Variants in ARHGAP15 observed in about 807,000 individuals in gnomAD.
The protein encoded by ARHGAP15 is rho GTPase-activating protein 15.
A neutral mutation model predicts 63.7 loss-of-function variants in ARHGAP15; 51 were observed. That is an observed-to-expected ratio of 0.80 (90% CI 0.64 to 1.01). The LOEUF is 1.01. Ranked by LOEUF, ARHGAP15 falls within the 50% of genes least tolerant of loss-of-function variation. ARHGAP15 has a pLI of 0.00. For synonymous variants in ARHGAP15, 191 were observed against 193.8 expected (o/e 0.99, Z 0.12); for missense variants, 560 against 564.6 (o/e 0.99, Z 0.08).
chr2:143,626,202 G>A lies in ARHGAP15; in HGVS notation c.1138+1935G>A, dbSNP rs185413148. ...CAACACCTATAAAATGGGTTATGGC[G>A]AGAATGAATAAGAAAGTGCCTAAGA... is the stretch of plus-strand genomic sequence containing the variant. On this transcript the variant is annotated intron_variant, in intron 12 of 13. Coordinates refer to ENST00000295095, the MANE Select transcript of ARHGAP15 (RefSeq NM_018460.4). Among the ~76,000 whole-genome samples the A allele has an allele frequency of 1.1e-4, 16 of 152,306 alleles. No homozygotes were observed. In the East Asian group the frequency reaches 2.5e-3, roughly 24 times the overall value.
intron 12 of ARHGAP15, among the ~76,000 whole-genome samples, chr2:143,646,196 G>A (rs992084151): frequency 1.3e-5 from 2 of 152,062 alleles, no homozygotes; most frequent in African/African-American, 2.4e-5. Flanking sequence ...GAGAGCAGAA[G>A]GGTAAGAATG....
At chr2:143,205,412 A>T (rs1052082295) in intron 3 of ARHGAP15, among the ~76,000 whole-genome samples, 23 of 152,280 alleles carry the variant, frequency 1.5e-4, no homozygotes, top group Middle Eastern at 3.4e-3. Flanking sequence ...TTGTCACTCC[A>T]TTAGAATTTT....
At chr2:143,632,483 T>G (rs1295989795) in intron 12 of ARHGAP15, among the ~76,000 whole-genome samples, 1 of 152,086 alleles carries the variant, frequency 6.6e-6, no homozygotes, top group Non-Finnish European at 1.5e-5. Flanking sequence ...TGAAGAGTGT[T>G]TTTTTAAATG....
In ARHGAP15 at chr2:143,764,182, C is replaced by T. The variant is rs951193259; in HGVS notation, c.1245-3807C>T. Among the ~76,000 whole-genome samples, 6 of 152,164 alleles carry T rather than the reference C, an allele frequency of 3.9e-5. No homozygotes were observed. In the South Asian group the frequency reaches 1.2e-3, roughly 32 times the overall value. On this transcript the variant is annotated intron_variant, in intron 13 of 13. Coordinates refer to ENST00000295095, the MANE Select transcript of ARHGAP15 (RefSeq NM_018460.4). ...AATGAATATTTTATATTGACACATG[C>T]ATAAAAGCACAAAATGAACATTTTT...
At chr2:143,141,333 G>A (rs1689353773) in intron 1 of ARHGAP15, among the ~76,000 whole-genome samples, 1 of 152,098 alleles carries the variant, frequency 6.6e-6, no homozygotes, top group African/African-American at 2.4e-5. Context: ...GTTGGTATTA[G>A]GGCATTGAAT....
At chr2:143,515,252 T>G (rs1229844685) in intron 9 of ARHGAP15, among the ~76,000 whole-genome samples, 16 of 147,792 alleles carry the variant, frequency 1.1e-4, no homozygotes, top group Admixed American at 1.0e-3. Context: ...AGAGTATGAT[T>G]ATAATGATCA....
chr2:143,563,497 T>A (rs1007854848), intron 11 of ARHGAP15, among the ~76,000 whole-genome samples: 1 of 152,234 alleles, frequency 6.6e-6, no homozygotes, highest in South Asian at 2.1e-4. Context: ...ATGTTGTCAG[T>A]ATGGTTTGGG....
At chr2:143,337,693 A>C (rs1191319697) in intron 6 of ARHGAP15, among the ~76,000 whole-genome samples, 1 of 152,040 alleles carries the variant, frequency 6.6e-6, no homozygotes, top group Non-Finnish European at 1.5e-5. Context: ...TTTCAGAATA[A>C]CTCCAGGTCA....
At chr2:143,610,381 A>C (rs1698205017) in intron 11 of ARHGAP15, among the ~76,000 whole-genome samples, 1 of 152,218 alleles carries the variant, frequency 6.6e-6, no homozygotes, top group African/African-American at 2.4e-5. Context: ...TTCTTAAGTC[A>C]GTTTAAACTT....
chr2:143,333,444 C>T (rs771547866), intron 6 of ARHGAP15, among the ~76,000 whole-genome samples: 1 of 152,122 alleles, frequency 6.6e-6, no homozygotes, highest in Non-Finnish European at 1.5e-5. Context: ...GTTAAGGTTA[C>T]CACAATTCCA....
chr2:143,324,590 G>A (rs193252481), intron 6 of ARHGAP15, among the ~76,000 whole-genome samples: 15 of 152,248 alleles, frequency 9.9e-5, no homozygotes, highest in Admixed American at 4.6e-4. Context: ...GTACTTGAAC[G>A]TACAGGGTTA....
intron 6 of ARHGAP15, among the ~76,000 whole-genome samples, chr2:143,423,485 T>C (rs752325759): frequency 6.6e-6 from 1 of 152,080 alleles, no homozygotes; most frequent in Non-Finnish European, 1.5e-5. Flanking sequence ...TGCAGGGACA[T>C]GTGGTTTTGT....
At chr2:143,218,277 CTTTT>C (rs762494225) in intron 4 of ARHGAP15, among the ~76,000 whole-genome samples, 10 of 92,040 alleles carry the variant, frequency 1.1e-4, no homozygotes, top group African/African-American at 2.1e-4. Context: ...TTTAGTTTTC[CTTTT>C]TTTTTTTTTT....
intron 6 of ARHGAP15, among the ~76,000 whole-genome samples, chr2:143,253,907 A>G (rs1680292571): frequency 6.6e-6 from 1 of 152,134 alleles, no homozygotes; most frequent in Non-Finnish European, 1.5e-5. Context: ...ATTCTAAGTT[A>G]AAGTGGTAAA....
chr2:143,751,673 C>G (rs1365682358), intron 13 of ARHGAP15, among the ~76,000 whole-genome samples: 1 of 152,142 alleles, frequency 6.6e-6, no homozygotes, highest in East Asian at 1.9e-4. Context: ...TGGTGGCTGC[C>G]CTAATGTAAT....
intron 6 of ARHGAP15, among the ~76,000 whole-genome samples, chr2:143,254,234 T>G (rs1442228772): frequency 6.6e-6 from 1 of 152,084 alleles, no homozygotes. Context: ...TACAGAGAGA[T>G]AGTTGTAATA....
intron 5 of ARHGAP15, among the ~76,000 whole-genome samples, chr2:143,231,168 C>G (rs1212079090): frequency 1.3e-5 from 2 of 148,250 alleles, no homozygotes; most frequent in Non-Finnish European, 3.0e-5. Flanking sequence ...GTGATACCTG[C>G]CAACAGAATT....
At chr2:143,138,947 T>C (rs886958698) in intron 1 of ARHGAP15, among the ~76,000 whole-genome samples, 6 of 152,130 alleles carry the variant, frequency 3.9e-5, no homozygotes, top group Non-Finnish European at 5.9e-5. Context: ...CTACAGGAAA[T>C]TTTTAAACTA....
intron 11 of ARHGAP15, among the ~76,000 whole-genome samples, chr2:143,587,515 G>C (rs1697154666): frequency 6.6e-6 from 1 of 152,086 alleles, no homozygotes; most frequent in South Asian, 2.1e-4. Flanking sequence ...GTGCCACTGT[G>C]TTTCGGTCTT....
Sources: gnomAD v4.1 joint callset for allele counts (sites outside exome capture counted in the v4.1 genomes callset) on GRCh38, gnomAD v4.1.1 for gene constraint, MANE v1.5 for transcripts, NCBI Gene and HGNC (gene_info 2026-07-23, HGNC 2026-07-21) for gene names.